Variants in MAST4 observed in about 807,000 individuals in gnomAD.
MAST4 encodes microtubule associated serine/threonine kinase family member 4.
In MAST4, 89 loss-of-function variants were observed where a neutral mutation model predicts 162.7. The ratio of observed to expected loss-of-function variants is 0.55; its 90% CI spans 0.46 to 0.65. The LOEUF (loss-of-function observed/expected upper bound fraction) is 0.65, where lower values mean the gene tolerates loss of function less well. MAST4 is among the 30% of genes least tolerant of loss of function. The probability of loss-of-function intolerance (pLI) is 0.00; values close to 1 mark genes in which losing one functional copy is unlikely to be tolerated. For missense variants in MAST4, 3,153 were observed against 3,374.0 expected (o/e 0.93, Z 1.62); for synonymous variants, 1,479 against 1,361.1 (o/e 1.09, Z -1.91).
At chr5:66,754,737 A>C (rs1753421406) in intron 1 of MAST4, among the ~76,000 whole-genome samples, 1 of 152,212 alleles carries the variant, frequency 6.6e-6, no homozygotes, top group South Asian at 2.1e-4. Context: ...CAAGTACCAA[A>C]GATCTCATAT....
chr5:67,042,521 CTTT>C (rs957324073), intron 4 of MAST4, among the ~76,000 whole-genome samples: 1 of 138,530 alleles, frequency 7.2e-6, no homozygotes, highest in African/African-American at 2.7e-5. Context: ...CCTTTGACCT[CTTT>C]TTTTTTTTTT....
At position 66,736,624 on chromosome 5, in the gene MAST4, GAGGACATA is replaced by G. The variant is rs145536972; in HGVS notation, c.364-23080_364-23073del. Among the ~76,000 whole-genome samples, 485 of 152,308 alleles carry G rather than the reference GAGGACATA, an allele frequency of 3.2e-3. 5 individuals carry two copies. The highest frequency in any genetic ancestry group is 0.011 in the African/African-American group (460 of 41,570). ...CTTTTTTAAGACGAAGGTAGAGTATGAGGACATAAGGATTAACGTAGTTTTTCTGCAGT... is the reference window on the plus strand; with the variant it reads ...CTTTTTTAAGACGAAGGTAGAGTATGAGGATTAACGTAGTTTTTCTGCAGT... On this transcript the variant is annotated intron_variant, in intron 1 of 28. Coordinates refer to ENST00000403625, the MANE Select transcript of MAST4 (RefSeq NM_001164664.2).
chr5:66,979,884 A>G (rs1258126340), intron 4 of MAST4, among the ~76,000 whole-genome samples: 1 of 152,206 alleles, frequency 6.6e-6, no homozygotes, highest in African/African-American at 2.4e-5. Flanking sequence ...TTAACTCAGA[A>G]CTGTCTGCCT....
chr5:66,968,480 A>G (rs967872603), intron 4 of MAST4, among the ~76,000 whole-genome samples: 5 of 152,230 alleles, frequency 3.3e-5, no homozygotes, highest in Non-Finnish European at 2.9e-5. Flanking sequence ...TCCAGAGAAG[A>G]ATATTATCAC....
chr5:66,815,538 C>A (rs1226016607), intron 3 of MAST4, among the ~76,000 whole-genome samples: 1 of 152,202 alleles, frequency 6.6e-6, no homozygotes, highest in Non-Finnish European at 1.5e-5. Context: ...CGGGCATTCA[C>A]CAGGCATCCT....
intron 4 of MAST4, among the ~76,000 whole-genome samples, chr5:66,922,309 T>C (rs1439864698): frequency 6.6e-6 from 1 of 152,222 alleles, no homozygotes; most frequent in Non-Finnish European, 1.5e-5. Flanking sequence ...GATGAAGCCA[T>C]TGGGTCAGGA....
At chr5:67,077,801 T>C (rs1761837801) in intron 5 of MAST4, among the ~76,000 whole-genome samples, 1 of 152,108 alleles carries the variant, frequency 6.6e-6, no homozygotes, top group Admixed American at 6.6e-5. Context: ...AATTAAACCA[T>C]AAAAGTACTA....
chr5:66,732,305 C>T (rs1347616526), intron 1 of MAST4, among the ~76,000 whole-genome samples: 1 of 152,092 alleles, frequency 6.6e-6, no homozygotes, highest in East Asian at 1.9e-4. Flanking sequence ...CTCCATCTCT[C>T]CCCCAAGCCT....
At chr5:66,942,225 T>G (rs1417783336) in intron 4 of MAST4, among the ~76,000 whole-genome samples, 1 of 152,148 alleles carries the variant, frequency 6.6e-6, no homozygotes, top group East Asian at 1.9e-4. Context: ...AAACTAGGTA[T>G]GTCTATTCTG....
chr5:66,738,509 C>A (rs1209101375), intron 1 of MAST4, among the ~76,000 whole-genome samples: 2 of 152,126 alleles, frequency 1.3e-5, no homozygotes, highest in African/African-American at 2.4e-5. Context: ...CATCAGGGAG[C>A]AAAACAGACC....
rs1289410790 is a variant in MAST4 at position 67,169,358 on chromosome 5, TCTC to T, written c.*2311_*2313del. 1 of 152,190 alleles carries T rather than the reference TCTC, an allele frequency of 6.6e-6. No homozygotes were observed. Among genetic ancestry groups the T allele is most frequent in the East Asian group, 1.9e-4 (1 of 5,194 alleles). 9.4% of individuals were successfully genotyped at this position (152,190 alleles called of 1,614,324 possible). On this transcript the variant is annotated 3_prime_UTR_variant, in exon 29 of 29. Coordinates refer to ENST00000403625, the MANE Select transcript of MAST4 (RefSeq NM_001164664.2). ...ACCTCTCCAATCAGCTGGTAGAAAT[TCTC>T]CTCATTGTGTTCTATTTGGTCAGTC...
intron 1 of MAST4, among the ~76,000 whole-genome samples, chr5:66,607,122 G>A (rs971350041): frequency 2.0e-5 from 3 of 152,168 alleles, no homozygotes; most frequent in Admixed American, 1.3e-4. Context: ...ACTGGGACAA[G>A]GGCAGGTTTG....
chr5:66,773,182 A>G (rs1754437654), intron 2 of MAST4, among the ~76,000 whole-genome samples: 1 of 152,250 alleles, frequency 6.6e-6, no homozygotes, highest in Non-Finnish European at 1.5e-5. Flanking sequence ...GAGTAGGTCA[A>G]GAAATGCAAC....
chr5:67,164,845 T>A lies in MAST4; in HGVS notation c.5666T>A (p.Val1889Asp), dbSNP rs747790587. 4 of 1,613,740 alleles carry A rather than the reference T, an allele frequency of 2.5e-6. No homozygotes were observed. Among genetic ancestry groups the A allele is most frequent in the Non-Finnish European group, 3.4e-6 (4 of 1,179,880 alleles). ...CGAGGTCTCCAGAATTCACCAGCAG[T>A]TTCCCTGCCTGACCCAGAGTTCAAG... ...PSRGLQNSPA[V>D]SLPDPEFKRD... The change falls in exon 29 of 29, where the codon GTT becomes GAT. Residue 1889 changes from valine to aspartate, a missense_variant. Val to Asp is a radical substitution (Grantham distance 152, BLOSUM62 -3). Coordinates refer to ENST00000403625, the MANE Select transcript of MAST4 (RefSeq NM_001164664.2). The surrounding 1 kb of genome is among the most constrained non-coding windows in gnomAD (Gnocchi z 5.3).
rs71940666 is a variant in MAST4 at position 67,049,060 on chromosome 5, C to CGTGTATATATATATATATATACGT, written c.675-5342_675-5341insGTATATATATATATATATACGTGT. ...ATATATACGTGTATATATATATATA[C>CGTGTATATATATATATATATACGT]GTATATATATATATATATACACTAC... On this transcript the variant is annotated intron_variant, in intron 4 of 28. Coordinates refer to ENST00000403625, the MANE Select transcript of MAST4 (RefSeq NM_001164664.2). Among the ~76,000 whole-genome samples, 17 of 82,806 alleles carry CGTGTATATATATATATATATACGT rather than the reference C, an allele frequency of 2.1e-4. 2 individuals carry two copies. Among genetic ancestry groups the CGTGTATATATATATATATATACGT allele is most frequent in the South Asian group, 3.8e-4 (1 of 2,620 alleles). The allele number at this position is 82,806 out of a possible 152,430, so 54.3% of individuals were successfully genotyped here.
intron 4 of MAST4, among the ~76,000 whole-genome samples, chr5:66,967,167 G>A (rs1746836431): frequency 6.6e-6 from 1 of 152,164 alleles, no homozygotes; most frequent in African/African-American, 2.4e-5. Flanking sequence ...GGGCTTAAAG[G>A]TCTAGGACAG....
intron 4 of MAST4, among the ~76,000 whole-genome samples, chr5:66,936,880 A>G (rs1437403761): frequency 1.3e-5 from 2 of 152,176 alleles, no homozygotes; most frequent in African/African-American, 2.4e-5. Context: ...TTTTCCCAGC[A>G]TCATCTTTTT....
intron 5 of MAST4, among the ~76,000 whole-genome samples, chr5:67,062,140 G>A (rs760473999): frequency 9.2e-5 from 14 of 152,240 alleles, no homozygotes; most frequent in East Asian, 1.9e-4. Context: ...GGTGGCTCAC[G>A]CCTGTAATCC....
intron 4 of MAST4, among the ~76,000 whole-genome samples, chr5:66,974,882 G>T (rs935130182): frequency 2.0e-5 from 3 of 152,208 alleles, no homozygotes; most frequent in African/African-American, 7.2e-5. Flanking sequence ...AAGAGTATGG[G>T]TTGGGAATTG....
Sources: allele counts gnomAD v4.1 joint callset (sites outside exome capture counted in the v4.1 genomes callset), GRCh38; gene constraint gnomAD v4.1.1; non-coding constraint Gnocchi (gnomAD v3.1); transcripts MANE v1.5; gene names NCBI Gene and HGNC (gene_info 2026-07-23, HGNC 2026-07-21).